TNC: variants seen among roughly 807,000 people sequenced by gnomAD.
TNC encodes the protein tenascin.
TNC carries 109 observed loss-of-function variants against 202.4 expected under a neutral mutation model. That is an observed-to-expected ratio of 0.54 (90% CI 0.46 to 0.63). The LOEUF (loss-of-function observed/expected upper bound fraction) is 0.63. Among genes scored for constraint, TNC ranks in the 30% least tolerant of loss-of-function variants. TNC has a pLI of 0.00. For synonymous variants in TNC, 1,007 were observed against 1,089.7 expected (o/e 0.92, Z 1.50); for missense variants, 2,756 against 2,833.3 (o/e 0.97, Z 0.62).
chr9:115,093,584 G>A (rs1406100171), intron 1 of TNC, among the ~76,000 whole-genome samples: 1 of 147,552 alleles, frequency 6.8e-6, no homozygotes, highest in Admixed American at 6.7e-5. Context: ...CCTTCACAAA[G>A]TTCTACTTTC....
intron 15 of TNC, chr9:115,055,776 A>C (rs1010908522): frequency 6.6e-6 from 1 of 152,650 alleles, no homozygotes; most frequent in Non-Finnish European, 1.5e-5. Flanking sequence ...AGAAAAAAGA[A>C]AGTGTGTCAA....
rs747994965 is a variant in TNC at position 115,086,954 on chromosome 9, C to T, written c.777G>A (p.Glu259=). 5.6e-6 allele frequency: 9 copies of T among 1,614,110 alleles called. No individual in the cohort carries two copies. In the African/African-American group the frequency reaches 1.2e-4, roughly 22 times the overall value. The change falls in exon 3 of 28, where the codon GAG becomes GAA. Residue 259 remains glutamate (E), a synonymous_variant. Coordinates refer to ENST00000350763, the MANE Select transcript of TNC (RefSeq NM_002160.4). ...ACAAGCCATCTACACATGTGCCGTG[C>T]TCCTCACTGCAGGGCACTGGGCAGA... The part of the protein sequence containing the change: ...REICPVPCSE[E]HGTCVDGLCV...
chr9:115,076,930 G>A (rs112397751), intron 7 of TNC, among the ~76,000 whole-genome samples: 12 of 152,096 alleles, frequency 7.9e-5, no homozygotes, highest in South Asian at 2.1e-4. Flanking sequence ...CAAGAGTCTC[G>A]CTCTGTCACC....
chr9:115,079,845 G>T (rs1225590175), intron 6 of TNC, among the ~76,000 whole-genome samples: 2 of 152,174 alleles, frequency 1.3e-5, no homozygotes, highest in East Asian at 3.8e-4. Context: ...GACCTCAAAA[G>T]TAAGTATAAT....
chr9:115,086,148 G>T lies in TNC; in HGVS notation c.1583C>A (p.Ala528Glu), dbSNP rs780298397. 16 of 1,613,856 alleles carry T rather than the reference G, an allele frequency of 9.9e-6. No individual in the cohort carries two copies. The highest frequency in any genetic ancestry group is 1.3e-5 in the Non-Finnish European group (15 of 1,179,906). Reference protein sequence around the residue: ...CEDGFTGPDCAELSCPNDCHG... With the variant: ...CEDGFTGPDCEELSCPNDCHG... ...GCAGTCATTTGGACAGGAGAGTTCT[G>T]CACAGTCAGGGCCGGTGAAGCCGTC... is the stretch of plus-strand genomic sequence containing the variant. The change falls in exon 3 of 28, where the codon GCA becomes GAA. Residue 528 changes from alanine to glutamate, a missense_variant. Physicochemically the swap from Ala to Glu is moderately radical, Grantham distance 107 (BLOSUM62 -1). Around this residue, in one of 2 missense-constraint regions of TNC, gnomAD observed 2,559 missense variants for 2,546.0 expected, o/e 1.01. Coordinates refer to ENST00000350763, the MANE Select transcript of TNC (RefSeq NM_002160.4).
chr9:115,058,141 A>C (rs1032762589), intron 14 of TNC, among the ~76,000 whole-genome samples: 1 of 152,234 alleles, frequency 6.6e-6, no homozygotes, highest in Non-Finnish European at 1.5e-5. Context: ...AAGGCAAGGC[A>C]GTTTAGGCCA....
At chr9:115,078,362 G>T in intron 6 of TNC, 150 bp from the exon 7 acceptor site, 2 of 860,178 alleles carry the variant, frequency 2.3e-6, no homozygotes, top group South Asian at 2.9e-5. Flanking sequence ...CTTAGTTTTT[G>T]GTTTGATAAG....
chr9:115,064,572 T>G lies in TNC; in HGVS notation c.3487+75A>C, dbSNP rs1392121641. The G allele has an allele frequency of 2.7e-6, 4 of 1,499,458 alleles. No individual in the cohort carries two copies. The African/African-American group carries it at 5.6e-5, about 21-fold the overall frequency. 92.9% of individuals were successfully genotyped at this position (1,499,458 alleles called of 1,614,324 possible). A position where few individuals can be genotyped will look rare whatever the true frequency, so the allele number is the denominator to read the frequency against. The stretch of plus-strand genomic sequence containing the variant: ...TGGCAGAACAAGTCCATTCCAAAGC[T>G]AGTCGTGTCTGATTATTCATGGGCA... On this transcript the variant is annotated intron_variant, in intron 11 of 27. Coordinates refer to ENST00000350763, the MANE Select transcript of TNC (RefSeq NM_002160.4).
chr9:115,095,628 GTATATATATGTA>G (rs1835705541), intron 1 of TNC, among the ~76,000 whole-genome samples: 1 of 2,146 alleles, frequency 4.7e-4, no homozygotes, highest in African/African-American at 1.4e-3. Context: ...ATATATATAT[GTATATATATGTA>G]TATATATATG....
intron 9 of TNC, among the ~76,000 whole-genome samples, 176 bp downstream of exon 9, chr9:115,075,856 C>G (rs774942760): frequency 6.6e-6 from 1 of 152,208 alleles, no homozygotes; most frequent in Non-Finnish European, 1.5e-5. Flanking sequence ...TGGCATCATA[C>G]AGATGGACCG....
intron 4 of TNC, among the ~76,000 whole-genome samples, chr9:115,083,185 A>C (rs1564113422): frequency 7.3e-6 from 1 of 136,186 alleles, no homozygotes; most frequent in Non-Finnish European, 1.7e-5. Flanking sequence ...CTTCTTGGGA[A>C]TGCATTGAGG....
At chr9:115,061,429 A>AGGAGTTGT (rs1040468892) in intron 13 of TNC, among the ~76,000 whole-genome samples, 52 of 152,290 alleles carry the variant, frequency 3.4e-4, no homozygotes, top group African/African-American at 1.2e-3. Flanking sequence ...CATTTGCAAA[A>AGGAGTTGT]GGAGTTGTAC....
intron 10 of TNC, among the ~76,000 whole-genome samples, chr9:115,071,413 G>A (rs1454017278): frequency 6.6e-6 from 1 of 152,174 alleles, no homozygotes; most frequent in Non-Finnish European, 1.5e-5. Flanking sequence ...AACTGCTGAG[G>A]CTTTGGAATG....
At chr9:115,112,292 C>T (rs1837137486) in intron 1 of TNC, among the ~76,000 whole-genome samples, 1 of 152,148 alleles carries the variant, frequency 6.6e-6, no homozygotes, top group Admixed American at 6.5e-5. Context: ...TCAGTTTCAC[C>T]CTCTTTAAAA....
rs1413448494 is a variant in TNC, at chr9:115,059,915, T to C, written c.4121A>G (p.Tyr1374Cys). The change falls in exon 14 of 28, where the codon TAT (tyrosine) becomes TGT (cysteine). Residue 1374 changes from tyrosine to cysteine, a missense_variant. By Grantham distance (194) the Tyr-to-Cys change is radical (BLOSUM62 -2). Around this residue, in one of 2 missense-constraint regions of TNC, gnomAD observed 2,559 missense variants for 2,546.0 expected, o/e 1.01. Transcript: ENST00000350763. ...CTGCACCTGAATGACAAAGTGCTCA[T>C]AGGCATTGTCAGCTGCGGTCCAGTT... ...RLNWTAADNA[Y>C]EHFVIQVQEV... 2 of 1,613,976 alleles carry C rather than the reference T, an allele frequency of 1.2e-6. No homozygotes were observed. The highest frequency in any genetic ancestry group is 2.7e-5 in the African/African-American group (2 of 74,906).
chr9:115,098,923 C>T (rs1206013776), intron 1 of TNC, among the ~76,000 whole-genome samples: 1 of 141,614 alleles, frequency 7.1e-6, no homozygotes, highest in African/African-American at 2.6e-5. Context: ...AGCCAGGAAA[C>T]AGCCTTAAGT....
intron 15 of TNC, among the ~76,000 whole-genome samples, chr9:115,056,185 G>A (rs903510540): frequency 3.4e-5 from 5 of 149,154 alleles, no homozygotes; most frequent in Admixed American, 6.7e-5. Context: ...ATTATCCTGT[G>A]TTTGTTCTGT....
Position 115,026,621 on chromosome 9 carries a change from T to C in TNC, c.6244A>G (p.Thr2082Ala), listed in dbSNP as rs772995487. ...LRVDLRDHGE[T>A]AFAVYDKFSV... ...AACTTGTCATAGACAGCAAAGGCTG[T>C]CTCCCCATGGTCCCGCAGGTCCACC... Residue 2082 changes from threonine (T) to alanine (A), a missense_variant, in exon 26 of 28, where the codon ACA (threonine) becomes GCA (alanine). Coordinates refer to ENST00000350763, the MANE Select transcript of TNC (RefSeq NM_002160.4). 25 of 1,613,846 alleles carry C rather than the reference T, an allele frequency of 1.5e-5. 1 individual carries two copies. In the South Asian group the frequency reaches 2.6e-4, roughly 17 times the overall value.
rs1832689133 is a variant in TNC at position 115,063,196 on chromosome 9, A to G, written c.3761-7T>C. On this transcript the variant is annotated splice_region_variant and splice_polypyrimidine_tract_variant and intron_variant, in intron 12 of 27. Transcript: ENST00000350763. ...CCCATATCTGGAACCTCCTCTGCAT[A>G]AGGACACAGAGTTGCTGAGTTACTT... 2 of 1,612,972 alleles carry G rather than the reference A, an allele frequency of 1.2e-6. No individual in the cohort carries two copies. The highest frequency in any genetic ancestry group is 8.5e-7 in the Non-Finnish European group (1 of 1,179,068).
Sources: allele counts gnomAD v4.1 joint callset (sites outside exome capture counted in the v4.1 genomes callset), GRCh38; gene constraint gnomAD v4.1.1; regional missense constraint gnomAD v4.1.1; transcripts MANE v1.5; gene names NCBI Gene and HGNC (gene_info 2026-07-23, HGNC 2026-07-21).